TPTE: variants seen among roughly 807,000 people sequenced by gnomAD.
TPTE encodes the protein putative tyrosine-protein phosphatase TPTE.
A neutral mutation model predicts 84.1 loss-of-function variants in TPTE; 59 were observed. The observed-to-expected ratio is 0.70, with a 90% CI of 0.57 to 0.87. TPTE has a LOEUF of 0.87. Among genes scored for constraint, TPTE ranks in the 40% least tolerant of loss-of-function variants. TPTE has a pLI of 0.00. For synonymous variants in TPTE, 130 were observed against 223.5 expected, an observed-to-expected ratio of 0.58 and a Z score of 3.73; for missense variants, 382 against 659.6, an observed-to-expected ratio of 0.58 and a Z score of 4.61.
intron 17 of TPTE, among the ~76,000 whole-genome samples, chr21:10,586,024 C>A (rs1245128902): frequency 6.6e-6 from 1 of 152,288 alleles, no homozygotes; most frequent in South Asian, 2.1e-4. Context: ...TTAAAAGAAC[C>A]AAGTTTTTGG....
intron 3 of TPTE, among the ~76,000 whole-genome samples, chr21:10,532,956 C>G (rs2074204643): frequency 6.6e-6 from 1 of 152,298 alleles, no homozygotes; most frequent in Non-Finnish European, 1.5e-5. Flanking sequence ...AGAATTTTCT[C>G]TTTGTCTCCA....
chr21:10,604,974 G>A (rs1048880837), intron 23 of TPTE, among the ~76,000 whole-genome samples: 2 of 152,312 alleles, frequency 1.3e-5, no homozygotes, highest in African/African-American at 2.4e-5. Flanking sequence ...TTCCATTATT[G>A]GAACACTCAG....
intron 7 of TPTE, among the ~76,000 whole-genome samples, chr21:10,551,769 G>A (rs1196448442): frequency 7.2e-5 from 11 of 152,410 alleles, no homozygotes; most frequent in African/African-American, 2.6e-4. Context: ...AATTATTAGA[G>A]ACTATTATGA....
chr21:10,561,374 C>T (rs941409227), intron 10 of TPTE, among the ~76,000 whole-genome samples, 183 bp downstream of exon 10: 4 of 152,410 alleles, frequency 2.6e-5, no homozygotes, highest in African/African-American at 9.6e-5. Context: ...TGCCTGTAAT[C>T]CCAGCTGTTT....
At chr21:10,550,230 C>A (rs1290558895) in intron 7 of TPTE, among the ~76,000 whole-genome samples, 1 of 152,308 alleles carries the variant, frequency 6.6e-6, no homozygotes, top group East Asian at 1.9e-4. Context: ...AACCTCCTCA[C>A]CTACCAATAA....
intron 17 of TPTE, among the ~76,000 whole-genome samples, chr21:10,581,216 T>A (rs2075265506): frequency 6.6e-6 from 1 of 152,310 alleles, no homozygotes; most frequent in Non-Finnish European, 1.5e-5. Context: ...TACAGTACCA[T>A]ACTTAAGAAT....
In TPTE at chr21:10,605,484, G is replaced by T. The variant is rs761421704; in HGVS notation, c.1588G>T (p.Asp530Tyr). 1 of 1,614,124 alleles carries T rather than the reference G, an allele frequency of 6.2e-7. No homozygotes were observed. The highest frequency in any genetic ancestry group is 8.5e-7 in the Non-Finnish European group (1 of 1,180,032). Residue 530 changes from aspartate (D) to tyrosine (Y), a missense_variant, in exon 24 of 24, where the codon GAT (aspartate) becomes TAT (tyrosine). Asp to Tyr is a radical substitution (Grantham distance 160). Transcript: ENST00000618007. ...AAAAGCACGGAGAATTTATCCATCA[G>T]ATTTTGCCGTGGAGATACTTTTTGG... ...KQKARRIYPS[D>Y]FAVEILFGEK...
intron 14 of TPTE, among the ~76,000 whole-genome samples, chr21:10,572,969 G>A (rs1387271423): frequency 2.6e-5 from 4 of 152,250 alleles, no homozygotes; most frequent in African/African-American, 9.6e-5. Context: ...AAAATGACAG[G>A]ATAAAGCCTC....
rs376917305 is a variant in TPTE at position 10,587,008 on chromosome 21, G to C, written c.1028-3454G>C. Among the ~76,000 whole-genome samples, 12 of 152,234 alleles carry C rather than the reference G, an allele frequency of 7.9e-5. No homozygotes were observed. The East Asian group carries it at 1.6e-3, about 20-fold the overall frequency. ...TTTGTTGAGTTAAGGAAGTTTCCTA[G>C]TTGTTAATTTTTAAAGTCACAGGTG... On this transcript the variant is annotated intron_variant, in intron 17 of 23. Transcript: ENST00000618007.
intron 7 of TPTE, among the ~76,000 whole-genome samples, chr21:10,544,520 G>A (rs1344828268): frequency 6.6e-6 from 1 of 152,308 alleles, no homozygotes; most frequent in Admixed American, 6.5e-5. Flanking sequence ...GAGTAGCTGG[G>A]ACTGCAGTCA....
chr21:10,579,709 A>G (rs1293388546), intron 17 of TPTE, among the ~76,000 whole-genome samples: 8 of 152,406 alleles, frequency 5.2e-5, no homozygotes, highest in Non-Finnish European at 8.8e-5. Context: ...ATCTCGAGTG[A>G]CAGGATCTCC....
intron 8 of TPTE, among the ~76,000 whole-genome samples, chr21:10,557,601 T>G (rs1418989147): frequency 2.6e-5 from 4 of 152,306 alleles, no homozygotes; most frequent in Non-Finnish European, 5.9e-5. Flanking sequence ...TTTGGCCAAT[T>G]GATCCTCCAT....
At chr21:10,554,687 G>A (rs978150291) in intron 8 of TPTE, among the ~76,000 whole-genome samples, 1 of 152,294 alleles carries the variant, frequency 6.6e-6, no homozygotes, top group Admixed American at 6.5e-5. Context: ...TTGTGATTTT[G>A]CCTTTAATGT....
At chr21:10,521,950 C>G (rs966609655) in intron 1 of TPTE, among the ~76,000 whole-genome samples, 1 of 152,268 alleles carries the variant, frequency 6.6e-6, no homozygotes. Flanking sequence ...TCTCCGCGCC[C>G]GCTCCTCCTC....
intron 10 of TPTE, among the ~76,000 whole-genome samples, chr21:10,563,138 C>G (rs1013267393): frequency 6.6e-6 from 1 of 152,306 alleles, no homozygotes; most frequent in Non-Finnish European, 1.5e-5. Flanking sequence ...AAACATTTAC[C>G]CTAGAACAGT....
chr21:10,582,338 A>G (rs1310804508), intron 17 of TPTE, among the ~76,000 whole-genome samples: 1 of 152,312 alleles, frequency 6.6e-6, no homozygotes, highest in Non-Finnish European at 1.5e-5. Flanking sequence ...ATAAATTTTC[A>G]AAACTGTTCC....
intron 8 of TPTE, among the ~76,000 whole-genome samples, chr21:10,553,800 CTT>C (rs1442364035): frequency 6.6e-6 from 1 of 152,310 alleles, no homozygotes; most frequent in South Asian, 2.1e-4. Flanking sequence ...CACTAACCCT[CTT>C]TAACTTTCAG....
chr21:10,603,509 G>C (rs1432203430), intron 22 of TPTE, 53 bp from the exon 23 acceptor site: 5 of 1,522,740 alleles, frequency 3.3e-6, no homozygotes, highest in African/African-American at 1.4e-5. Context: ...AATTTCTTTG[G>C]AATGATTAGT....
At chr21:10,558,430 TTAG>T (rs1435503533) in intron 8 of TPTE, among the ~76,000 whole-genome samples, 2 of 152,312 alleles carry the variant, frequency 1.3e-5, no homozygotes, top group South Asian at 2.1e-4. Context: ...TTTTGACTTT[TTAG>T]TAATAGCCAT....
Sources: allele counts gnomAD v4.1 joint callset (sites outside exome capture counted in the v4.1 genomes callset), GRCh38; gene constraint gnomAD v4.1.1; transcripts MANE v1.5; gene names NCBI Gene and HGNC (gene_info 2026-07-23, HGNC 2026-07-21).